Variants in HRH1 observed in about 807,000 individuals in gnomAD.
The protein encoded by HRH1 is histamine receptor H1.
In HRH1, 6 loss-of-function variants were observed where a neutral mutation model predicts 10.3. That is an observed-to-expected ratio of 0.58 (90% CI 0.32 to 1.15). The LOEUF (loss-of-function observed/expected upper bound fraction) is 1.15. Ranked by LOEUF, HRH1 falls within the 50% of genes most tolerant of loss-of-function variation. The pLI is 0.05. For synonymous variants in HRH1, 242 were observed against 236.7 expected, an observed-to-expected ratio of 1.02 and a Z score of -0.21; for missense variants, 514 against 615.3, an observed-to-expected ratio of 0.84 and a Z score of 1.74.
rs190183792 is a variant in HRH1, at chr3:11,255,992, G to T, written c.-35-3011G>T. ...TCCACAGGGTTTGGACTTGATCAGG[G>T]CAGAAGGTGAAGCTGCAAGGTATTA... On this transcript the variant is annotated intron_variant, in intron 1 of 1. Transcript: ENST00000431010. 2.3e-4 allele frequency among the ~76,000 whole-genome samples: 35 copies of T among 152,284 alleles called. 1 individual carries two copies. The highest frequency in any genetic ancestry group is 8.2e-4 in the African/African-American group (34 of 41,554).
intron 1 of HRH1, among the ~76,000 whole-genome samples, chr3:11,204,642 G>A (rs759981924): frequency 6.6e-6 from 1 of 152,188 alleles, no homozygotes; most frequent in Non-Finnish European, 1.5e-5. Context: ...AACAAACTAC[G>A]TGTTAGGTGC....
At chr3:11,246,005 C>CAT (rs1553581784) in intron 1 of HRH1, among the ~76,000 whole-genome samples, 1 of 151,002 alleles carries the variant, frequency 6.6e-6, no homozygotes, top group Non-Finnish European at 1.5e-5. Flanking sequence ...CACACTTACA[C>CAT]ATACACACAT....
chr3:11,189,050 T>C (rs1370499560), intron 1 of HRH1, among the ~76,000 whole-genome samples: 1 of 152,228 alleles, frequency 6.6e-6, no homozygotes, highest in Non-Finnish European at 1.5e-5. Context: ...AAACTAAGTA[T>C]ATTTGCATCA....
chr3:11,249,436 A>C (rs1312952750), intron 1 of HRH1, among the ~76,000 whole-genome samples: 1 of 140,934 alleles, frequency 7.1e-6, no homozygotes, highest in Non-Finnish European at 1.5e-5. Flanking sequence ...AGGATTTAGG[A>C]GGAGAGGGAG....
chr3:11,190,692 TA>T (rs933402881), intron 1 of HRH1, among the ~76,000 whole-genome samples: 84 of 146,458 alleles, frequency 5.7e-4, no homozygotes, highest in South Asian at 3.7e-3. Context: ...CGCAACCGGC[TA>T]AAAAAAAAAA....
At position 11,262,291 on chromosome 3, in the gene HRH1, C is replaced by G. The variant is rs199837566; in HGVS notation, c.*1790C>G. The G allele has an allele frequency of 1.2e-5, 2 of 167,014 alleles. No individual in the cohort carries two copies. Among genetic ancestry groups the G allele is most frequent in the Non-Finnish European group, 2.9e-5 (2 of 68,106 alleles). The allele number at this position is 167,014 out of a possible 1,614,324, so 10.3% of individuals were successfully genotyped here. ...CTGCCTAAAATATGATGTTTAAAAGCATACTCTATGTGATTTATTTATTTC... is the reference window on the plus strand; with the variant it reads ...CTGCCTAAAATATGATGTTTAAAAGGATACTCTATGTGATTTATTTATTTC... On this transcript the variant is annotated 3_prime_UTR_variant, in exon 2 of 2. Coordinates refer to ENST00000431010, the MANE Select transcript of HRH1 (RefSeq NM_001098212.2).
chr3:11,164,844 T>TC (rs1399684297), intron 1 of HRH1, among the ~76,000 whole-genome samples: 1 of 152,170 alleles, frequency 6.6e-6, no homozygotes, highest in Non-Finnish European at 1.5e-5. Context: ...AAGAAAAAGT[T>TC]CTCGCTGAAT....
chr3:11,248,876 T>C (rs993103823), intron 1 of HRH1, among the ~76,000 whole-genome samples: 2 of 152,204 alleles, frequency 1.3e-5, no homozygotes, highest in Non-Finnish European at 2.9e-5. Context: ...GTTGGTCAGA[T>C]GACCATCCAA....
chr3:11,202,234 T>C lies in HRH1; in HGVS notation c.-36+47680T>C, dbSNP rs190467014. Among the ~76,000 whole-genome samples the C allele has an allele frequency of 4.6e-3, 701 of 152,056 alleles. 7 individuals are homozygous for C. The highest frequency in any genetic ancestry group is 0.016 in the African/African-American group (658 of 41,460). On this transcript the variant is annotated intron_variant, in intron 1 of 1. Transcript: ENST00000431010. The stretch of plus-strand genomic sequence containing the variant: ...GCCTGGCCAACATGGCGAAACCCTG[T>C]CTCTACTAAAAATACAAAAATTGGC...
At position 11,260,747 on chromosome 3, in the gene HRH1, G is replaced by T; in HGVS notation, c.*246G>T. On this transcript the variant is annotated 3_prime_UTR_variant, in exon 2 of 2. Transcript: ENST00000431010. The stretch of plus-strand genomic sequence containing the variant: ...TGCAAGAAAGTCAGACCTGTTTCTT[G>T]TAACTGGGTTCAAAAAGAAAAAAAT... 1 of 458,880 alleles carries T rather than the reference G, an allele frequency of 2.2e-6. No individual in the cohort carries two copies. Among genetic ancestry groups the T allele is most frequent in the Non-Finnish European group, 4.0e-6 (1 of 252,828 alleles). 28.4% of individuals were successfully genotyped at this position (458,880 alleles called of 1,614,324 possible). A position where few individuals can be genotyped will look rare whatever the true frequency, so the allele number is the denominator to read the frequency against.
chr3:11,155,672 T>A (rs1936771940), intron 1 of HRH1, among the ~76,000 whole-genome samples: 1 of 152,140 alleles, frequency 6.6e-6, no homozygotes, highest in African/African-American at 2.4e-5. Context: ...GTTTTCAGGC[T>A]GGAAGGTGCC....
intron 1 of HRH1, among the ~76,000 whole-genome samples, chr3:11,212,459 C>T (rs1938359227): frequency 6.6e-6 from 1 of 152,094 alleles, no homozygotes; most frequent in African/African-American, 2.4e-5. Flanking sequence ...CTGGGGCAGG[C>T]CTGGAAAATC....
At chr3:11,192,272 A>G (rs577941063) in intron 1 of HRH1, among the ~76,000 whole-genome samples, 4 of 152,304 alleles carry the variant, frequency 2.6e-5, no homozygotes, top group Admixed American at 1.3e-4. Context: ...AAGCCTCCTC[A>G]TGCCCCCTTC....
intron 1 of HRH1, among the ~76,000 whole-genome samples, chr3:11,209,106 A>AT (rs1295985606): frequency 6.6e-6 from 1 of 152,104 alleles, no homozygotes; most frequent in Non-Finnish European, 1.5e-5. Context: ...TGTGATGGTA[A>AT]TTTTTTTAAG....
Position 11,260,159 on chromosome 3 carries a change from C to G in HRH1, c.1122C>G (p.Gly374=). 6.2e-7 allele frequency: 1 copy of G among 1,614,022 alleles called. No individual in the cohort carries two copies. The highest frequency in any genetic ancestry group is 8.5e-7 in the Non-Finnish European group (1 of 1,180,018). The change falls in exon 2 of 2, where the codon GGC becomes GGG. Residue 374 remains glycine (G), a synonymous_variant. Coordinates refer to ENST00000431010, the MANE Select transcript of HRH1 (RefSeq NM_001098212.2). ...DTTTETAPGK[G]KLRSGSNTGL... ...CCACAGAGACAGCACCAGGCAAAGG[C>G]AAATTGAGGAGTGGGTCTAACACAG...
chr3:11,199,266 G>A (rs1459088070), intron 1 of HRH1, among the ~76,000 whole-genome samples: 1 of 152,136 alleles, frequency 6.6e-6, no homozygotes, highest in African/African-American at 2.4e-5. Flanking sequence ...CTTGCCTGTG[G>A]TTGTATTTTC....
intron 1 of HRH1, among the ~76,000 whole-genome samples, chr3:11,256,660 G>A (rs1279414673): frequency 1.3e-5 from 2 of 151,972 alleles, no homozygotes; most frequent in Non-Finnish European, 2.9e-5. Flanking sequence ...TTAGCTGGGC[G>A]TGGTGGTGGG....
At chr3:11,139,997 A>T (rs1936261121) in intron 1 of HRH1, among the ~76,000 whole-genome samples, 1 of 152,132 alleles carries the variant, frequency 6.6e-6, no homozygotes, top group South Asian at 2.1e-4. Context: ...TTTAGCTCAT[A>T]AAAAAAATTT....
chr3:11,253,209 G>C (rs565967719), intron 1 of HRH1: 3 of 152,174 alleles, frequency 2.0e-5, no homozygotes, highest in Middle Eastern at 3.4e-3. Flanking sequence ...CTTCTGACTC[G>C]ATTAAAAAGG....
Sources: gnomAD v4.1 joint callset for allele counts (sites outside exome capture counted in the v4.1 genomes callset) on GRCh38, gnomAD v4.1.1 for gene constraint, MANE v1.5 for transcripts, NCBI Gene and HGNC (gene_info 2026-07-23, HGNC 2026-07-21) for gene names.